Variants in TRAPPC8 observed in about 807,000 individuals in gnomAD.
TRAPPC8 encodes the protein general sporulation gene 1 homolog.
In TRAPPC8, 54 loss-of-function variants were observed where a neutral mutation model predicts 174.3. The observed-to-expected ratio is 0.31, with a 90% CI of 0.25 to 0.39. The LOEUF (loss-of-function observed/expected upper bound fraction) is 0.39. TRAPPC8 is among the 10% of genes least tolerant of loss of function. The probability of loss-of-function intolerance (pLI) is 1.00; values close to 1 mark genes in which losing one functional copy is unlikely to be tolerated. For missense variants in TRAPPC8, 1,531 were observed against 1,699.1 expected (o/e 0.90, Z 1.74); for synonymous variants, 630 against 579.9 (o/e 1.09, Z -1.24).
Position 31,908,990 on chromosome 18 carries a change from T to TA in TRAPPC8, c.885dup (p.Arg296Ter). On this transcript the variant is annotated frameshift_variant, in exon 7 of 29. Coordinates refer to ENST00000283351, the MANE Select transcript of TRAPPC8 (RefSeq NM_014939.5). LOFTEE classifies it high-confidence loss of function. ...TGCTCCAACTGAAGTGGGTGAGCTCTAAAGTTATTTGGTAAGCCATCTACT... is the reference window on the plus strand; with the variant it reads ...TGCTCCAACTGAAGTGGGTGAGCTCTAAAAGTTATTTGGTAAGCCATCTACT... The TA allele has an allele frequency of 6.2e-7, 1 of 1,608,996 alleles. No homozygotes were observed. The highest frequency in any genetic ancestry group is 8.5e-7 in the Non-Finnish European group (1 of 1,177,210).
intron 2 of TRAPPC8, among the ~76,000 whole-genome samples, chr18:31,931,065 T>G (rs1259128597): frequency 6.6e-6 from 1 of 152,214 alleles, no homozygotes; most frequent in Non-Finnish European, 1.5e-5. Context: ...ATTATAATAT[T>G]ACTTATGTCA....
At chr18:31,871,943 A>C (rs1433371680) in intron 14 of TRAPPC8, among the ~76,000 whole-genome samples, 1 of 152,214 alleles carries the variant, frequency 6.6e-6, no homozygotes, top group Non-Finnish European at 1.5e-5. Context: ...AAAGTTTAAC[A>C]GCCATCGAGA....
chr18:31,890,354 A>G (rs1224019758), intron 12 of TRAPPC8, among the ~76,000 whole-genome samples: 7 of 152,226 alleles, frequency 4.6e-5, no homozygotes, highest in Non-Finnish European at 1.0e-4. Flanking sequence ...CAGAAAGAGC[A>G]GGATTTTTTT....
At chr18:31,883,558 G>C (rs1417189165) in intron 12 of TRAPPC8, 1 of 152,890 alleles carries the variant, frequency 6.5e-6, no homozygotes, top group Non-Finnish European at 1.5e-5. Context: ...CTTTCCTCCA[G>C]ATCTGGCTCT....
chr18:31,865,615 G>A (rs1236632577), intron 18 of TRAPPC8, among the ~76,000 whole-genome samples: 1 of 151,656 alleles, frequency 6.6e-6, no homozygotes, highest in Non-Finnish European at 1.5e-5. Flanking sequence ...AACATATAAA[G>A]TATTTTTTAA....
chr18:31,903,034 C>A (rs867230101), intron 9 of TRAPPC8, among the ~76,000 whole-genome samples: 4 of 144,828 alleles, frequency 2.8e-5, no homozygotes, highest in Non-Finnish European at 6.0e-5. Context: ...TGGGTGACAG[C>A]GAGACTCATC....
At chr18:31,865,965 C>A (rs1235227509) in intron 18 of TRAPPC8, among the ~76,000 whole-genome samples, 1 of 151,630 alleles carries the variant, frequency 6.6e-6, no homozygotes, top group African/African-American at 2.4e-5. Context: ...GGATTCATTT[C>A]ACTTATTTTT....
At chr18:31,858,643 T>C (rs1440699650) in intron 19 of TRAPPC8, among the ~76,000 whole-genome samples, 1 of 152,174 alleles carries the variant, frequency 6.6e-6, no homozygotes, top group Non-Finnish European at 1.5e-5. Context: ...TTACATAACT[T>C]CACACACACA....
rs750730623 is a variant in TRAPPC8 at position 31,913,423 on chromosome 18, T to C, written c.717A>G (p.Glu239=). 24 of 1,610,450 alleles carry C rather than the reference T, an allele frequency of 1.5e-5. No homozygotes were observed. Among genetic ancestry groups the C allele is most frequent in the Non-Finnish European group, 1.9e-5 (22 of 1,179,022 alleles). Residue 239 remains glutamate (E), a synonymous_variant, in exon 5 of 29, where the codon GAA becomes GAG. Transcript: ENST00000283351. ...NSRTSNRASD[E]QIPDPWSQYL... is the part of the protein sequence containing the mutation. The stretch of plus-strand genomic sequence containing the variant: ...ACTGACTCCAAGGATCTGGTATCTG[T>C]TCATCTGATGCTCGATTAGATGTTC...
chr18:31,933,027 C>T lies in TRAPPC8; in HGVS notation c.158-1504G>A, dbSNP rs560573109. On this transcript the variant is annotated intron_variant, in intron 1 of 28. Coordinates refer to ENST00000283351, the MANE Select transcript of TRAPPC8 (RefSeq NM_014939.5). ...AAAAAAAAAAAAAAAAAAAGCCGGG[C>T]GCAGTGGCTCACACCTGTAATCCCA... is the stretch of plus-strand genomic sequence containing the variant. Among the ~76,000 whole-genome samples the T allele has an allele frequency of 5.1e-4, 64 of 124,716 alleles. 1 individual carries two copies. The highest frequency in any genetic ancestry group is 1.9e-3 in the African/African-American group (55 of 28,368). The allele number at this position is 124,716 out of a possible 152,430, so 81.8% of individuals were successfully genotyped here.
At chr18:31,867,946 T>C (rs2034669177) in intron 16 of TRAPPC8, among the ~76,000 whole-genome samples, 1 of 151,982 alleles carries the variant, frequency 6.6e-6, no homozygotes. Context: ...ACCTAGCTGC[T>C]CATAGTCAAC....
chr18:31,916,780 C>T (rs1377922444), intron 3 of TRAPPC8, among the ~76,000 whole-genome samples: 1 of 150,938 alleles, frequency 6.6e-6, no homozygotes, highest in African/African-American at 2.4e-5. Context: ...GTAACCCGCC[C>T]GCCTCAGCCT....
chr18:31,899,883 T>C (rs2036341800), intron 10 of TRAPPC8, among the ~76,000 whole-genome samples: 1 of 151,232 alleles, frequency 6.6e-6, no homozygotes, highest in African/African-American at 2.4e-5. Context: ...GAGGTGGAGG[T>C]AGCAATGAGC....
intron 27 of TRAPPC8, among the ~76,000 whole-genome samples, chr18:31,839,092 CA>C (rs1466562114): frequency 1.1e-4 from 17 of 152,028 alleles, no homozygotes; most frequent in African/African-American, 4.1e-4. Context: ...AGCTATTTAC[CA>C]AAATTACAAA....
chr18:31,869,048 T>TA (rs1056108086), intron 16 of TRAPPC8, among the ~76,000 whole-genome samples: 4 of 151,420 alleles, frequency 2.6e-5, no homozygotes, highest in African/African-American at 9.7e-5. Flanking sequence ...CAAGGTAGTA[T>TA]AAAAAAAGCA....
chr18:31,846,642 G>A, intron 26 of TRAPPC8, 74 bp downstream of exon 26: 2 of 1,225,318 alleles, frequency 1.6e-6, no homozygotes, highest in South Asian at 1.5e-5. Flanking sequence ...AAACACAAAA[G>A]CCAACCAACC....
chr18:31,837,967 T>TA (rs35815014), intron 27 of TRAPPC8, among the ~76,000 whole-genome samples: 36,229 of 128,998 alleles, frequency 0.28, 4,986 homozygotes, highest in Middle Eastern at 0.38. Flanking sequence ...AAAAATCACT[T>TA]AAAAAAAAAA....
At chr18:31,907,393 C>A (rs112810141) in intron 9 of TRAPPC8, 67 bp downstream of exon 9, 1 of 1,453,836 alleles carries the variant, frequency 6.9e-7, no homozygotes, top group South Asian at 1.5e-5. Context: ...CTGTTTGCCA[C>A]CAAGAGAAAT....
In TRAPPC8 at chr18:31,870,938, C is replaced by T. The variant is rs141100835; in HGVS notation, c.2245G>A (p.Ala749Thr). Residue 749 changes from alanine (A) to threonine (T), a missense_variant, in exon 15 of 29, where the codon GCA becomes ACA. Physicochemically the swap from Ala to Thr is moderately conservative, Grantham distance 58. Transcript: ENST00000283351. ...SYSDNSRFPL[A>T]VVEEPITVEV... ...TCAAGTATATCACCTTCTACAACTG[C>T]AAGTGGAAATCTTGAATTATCTGAG... is the stretch of plus-strand genomic sequence containing the variant. 6,308 of 1,563,870 alleles carry T rather than the reference C, an allele frequency of 4.0e-3. 19 individuals carry two copies. Among genetic ancestry groups the T allele is most frequent in the Non-Finnish European group, 5.0e-3 (5,708 of 1,150,162 alleles).
Sources: gnomAD v4.1 joint callset for allele counts (sites outside exome capture counted in the v4.1 genomes callset) on GRCh38, gnomAD v4.1.1 for gene constraint, MANE v1.5 for transcripts, NCBI Gene and HGNC (gene_info 2026-07-23, HGNC 2026-07-21) for gene names.